NEBL: variants seen among roughly 807,000 people sequenced by gnomAD.
NEBL encodes LIM and SH3 protein 2.
NEBL carries 122 observed loss-of-function variants against 140.2 expected under a neutral mutation model. The ratio of observed to expected loss-of-function variants is 0.87; its 90% CI spans 0.75 to 1.01. The LOEUF is 1.01. Among genes scored for constraint, NEBL ranks in the 50% least tolerant of loss-of-function variants. NEBL has a pLI of 0.00. For missense variants in NEBL, 1,365 were observed against 1,231.3 expected, an observed-to-expected ratio of 1.11 and a Z score of -1.62; for synonymous variants, 436 against 398.9, an observed-to-expected ratio of 1.09 and a Z score of -1.11.
At position 21,165,069 on chromosome 10, in the gene NEBL, A is replaced by T. The variant is rs932455406; in HGVS notation, c.164+7314T>A. ...AATAGGAGACAACAATTTTCCATTC[A>T]CTATTATAAGTAAAAGAGTGGACTG... On this transcript the variant is annotated intron_variant, in intron 2 of 6. Coordinates refer to the NEBL transcript ENST00000417816. Among the ~76,000 whole-genome samples, 4 of 152,156 alleles carry T rather than the reference A, an allele frequency of 2.6e-5. No homozygotes were observed. The East Asian group carries it at 7.7e-4, about 29-fold the overall frequency.
At chr10:21,123,872 T>C (rs1191978497) in intron 2 of NEBL, among the ~76,000 whole-genome samples, 2 of 151,576 alleles carry the variant, frequency 1.3e-5, no homozygotes, top group Admixed American at 1.3e-4. Context: ...AGTTTGCTTA[T>C]GTTATTTAGT....
intron 3 of NEBL, among the ~76,000 whole-genome samples, chr10:20,993,991 A>T (rs966790769): frequency 6.6e-5 from 10 of 152,174 alleles, no homozygotes; most frequent in Admixed American, 6.5e-4. Flanking sequence ...CACAATGTCA[A>T]ATTAAACCAC....
At chr10:21,225,187 C>G (rs1842127711) in intron 3 of NEBL, among the ~76,000 whole-genome samples, 1 of 152,226 alleles carries the variant, frequency 6.6e-6, no homozygotes, top group African/African-American at 2.4e-5. Context: ...TTGAAGAATC[C>G]TCTAGATGAC....
At chr10:21,144,088 G>T (rs961938369) in intron 2 of NEBL, among the ~76,000 whole-genome samples, 7 of 152,234 alleles carry the variant, frequency 4.6e-5, no homozygotes, top group African/African-American at 1.7e-4. Context: ...TGTAATGAGA[G>T]GCATCTGCAG....
At chr10:21,087,610 T>C (rs1015029075) in intron 2 of NEBL, among the ~76,000 whole-genome samples, 7 of 152,244 alleles carry the variant, frequency 4.6e-5, no homozygotes, top group Admixed American at 2.0e-4. Context: ...ATTAAACTCA[T>C]GTGACTAAAA....
chr10:20,857,664 G>C (rs766371862), intron 9 of NEBL, among the ~76,000 whole-genome samples: 6 of 152,092 alleles, frequency 3.9e-5, no homozygotes, highest in Non-Finnish European at 8.8e-5. Flanking sequence ...AGTCCTGCAG[G>C]ACTGACCACG....
At chr10:21,027,899 G>A (rs961376815) in intron 2 of NEBL, among the ~76,000 whole-genome samples, 1 of 152,044 alleles carries the variant, frequency 6.6e-6, no homozygotes, top group African/African-American at 2.4e-5. Context: ...AAAAATGGTT[G>A]TTTTATGTCA....
intron 2 of NEBL, among the ~76,000 whole-genome samples, chr10:21,079,229 G>T (rs1836254103): frequency 6.6e-6 from 1 of 152,038 alleles, no homozygotes; most frequent in African/African-American, 2.4e-5. Context: ...CTGGTGGAGG[G>T]GATAACAGGG....
chr10:20,828,760 A>C, intron 16 of NEBL, 126 bp from the exon 17 acceptor site: 1 of 664,414 alleles, frequency 1.5e-6, no homozygotes, highest in Middle Eastern at 3.7e-4. Context: ...ACTGACTTAC[A>C]CTCCCAGAGA....
chr10:20,793,370 A>G (rs1445608133), intron 26 of NEBL: 1 of 978,176 alleles, frequency 1.0e-6, no homozygotes, highest in African/African-American at 1.8e-5. Flanking sequence ...AGCAGGAGCA[A>G]CAAACCCTGG....
At chr10:21,026,257 G>T (rs190425314) in intron 2 of NEBL, among the ~76,000 whole-genome samples, 1 of 152,174 alleles carries the variant, frequency 6.6e-6, no homozygotes, top group South Asian at 2.1e-4. Flanking sequence ...TTGGGAGTGA[G>T]TAGGGAGGGG....
intron 4 of NEBL, among the ~76,000 whole-genome samples, chr10:20,907,571 G>A (rs563947273): frequency 7.2e-5 from 11 of 152,106 alleles, no homozygotes; most frequent in South Asian, 4.2e-4. Context: ...CAAACCATTC[G>A]TTCATCACAT....
Position 20,835,500 on chromosome 10 carries a change from G to T in NEBL, c.1449+13C>A. The T allele has an allele frequency of 1.3e-6, 2 of 1,578,160 alleles. No homozygotes were observed. The highest frequency in any genetic ancestry group is 1.1e-5 in the South Asian group (1 of 90,444). On this transcript the variant is annotated intron_variant, in intron 14 of 27. Coordinates refer to ENST00000377122, the MANE Select transcript of NEBL (RefSeq NM_006393.3). ...ATATGAGTCTTAAGGCCTGCATCAC[G>T]CACCCTACTAACCTCACTCGCTATC...
rs890180711 is a variant in NEBL at position 20,785,059 on chromosome 10, G to C, written c.*688C>G. The C allele has an allele frequency of 6.5e-6, 1 of 153,038 alleles. No homozygotes were observed. Among genetic ancestry groups the C allele is most frequent in the Non-Finnish European group, 1.5e-5 (1 of 68,400 alleles). The allele number at this position is 153,038 out of a possible 1,614,324, so 9.5% of individuals were successfully genotyped here. ...TTGCAGAGTAGCTGTGAAGTTATTT[G>C]GTCCTGACATTCTGTGGAACTGAGC... On this transcript the variant is annotated 3_prime_UTR_variant, in exon 28 of 28. Coordinates refer to ENST00000377122, the MANE Select transcript of NEBL (RefSeq NM_006393.3).
rs147535381 is a variant in NEBL at position 20,817,911 on chromosome 10, CT to C, written c.2056-220del. Among the ~76,000 whole-genome samples, 947 of 152,292 alleles carry C rather than the reference CT, an allele frequency of 6.2e-3. 8 individuals are homozygous for C. The highest frequency in any genetic ancestry group is 0.02 in the African/African-American group (811 of 41,564). The stretch of plus-strand genomic sequence containing the variant: ...TGTTTAAATATGTCTTCAATAAATG[CT>C]TTCCTCTTCAATATCAAAATTAACC... On this transcript the variant is annotated intron_variant, in intron 20 of 27. Transcript: ENST00000377122.
At chr10:21,062,350 C>G (rs981334059) in intron 2 of NEBL, among the ~76,000 whole-genome samples, 8 of 151,830 alleles carry the variant, frequency 5.3e-5, no homozygotes, top group African/African-American at 1.9e-4. Flanking sequence ...TTATGTATGC[C>G]TAGGGGTGCT....
intron 3 of NEBL, among the ~76,000 whole-genome samples, chr10:21,239,755 C>T (rs948693091): frequency 6.6e-6 from 1 of 152,124 alleles, no homozygotes; most frequent in African/African-American, 2.4e-5. Context: ...CGGTGGCTCA[C>T]GCCTGTAATC....
At chr10:21,089,637 A>AG (rs1458833544) in intron 2 of NEBL, among the ~76,000 whole-genome samples, 1 of 152,170 alleles carries the variant, frequency 6.6e-6, no homozygotes, top group African/African-American at 2.4e-5. Flanking sequence ...AGCCTGGGTA[A>AG]GGGGGGCAGG....
rs45553047 is a variant in NEBL, at chr10:21,155,963, C to T, written c.164+16420G>A. Among the ~76,000 whole-genome samples the T allele has an allele frequency of 3.8e-3, 572 of 152,282 alleles. 3 individuals carry two copies. The highest frequency in any genetic ancestry group is 6.5e-3 in the Admixed American group (99 of 15,294). On this transcript the variant is annotated intron_variant, in intron 2 of 6. Coordinates refer to the NEBL transcript ENST00000417816. ...GCCCCCACCTACTGATTATTGCCACCGCTCAAAAGCAATATTGGGAACAGC... is the reference window on the plus strand; with the variant it reads ...GCCCCCACCTACTGATTATTGCCACTGCTCAAAAGCAATATTGGGAACAGC...
Sources: gnomAD v4.1 joint callset for allele counts (sites outside exome capture counted in the v4.1 genomes callset) on GRCh38, gnomAD v4.1.1 for gene constraint, MANE v1.5 for transcripts, NCBI Gene and HGNC (gene_info 2026-07-23, HGNC 2026-07-21) for gene names.